The following U2AF1L4 variants were observed in gnomAD, a reference collection of about 807,000 sequenced individuals.
U2AF1L4 encodes splicing factor U2AF 26 kDa subunit.
In U2AF1L4, 21 loss-of-function variants were observed where a neutral mutation model predicts 21.7. The observed-to-expected ratio is 0.97, with a 90% CI of 0.69 to 1.39. U2AF1L4 has a LOEUF of 1.39. Ranked by LOEUF, U2AF1L4 falls within the 40% of genes most tolerant of loss-of-function variation. The pLI is 0.00. For missense variants in U2AF1L4, 259 were observed against 245.7 expected (o/e 1.05, Z -0.36); for synonymous variants, 92 against 89.7 (o/e 1.03, Z -0.15).
At position 35,744,969 on chromosome 19, in the gene U2AF1L4, C is replaced by A. The variant is rs553710402; in HGVS notation, c.132+156G>T. ...GTTCCCGGGAAAACGGCACGAAGAC[C>A]GGTGGGAGGAGCCTGCAGAAAGGTC... On this transcript the variant is annotated intron_variant, in intron 2 of 5. Transcript: ENST00000378975. The A allele has an allele frequency of 7.0e-5, 55 of 784,556 alleles. 1 individual carries two copies. The highest frequency in any genetic ancestry group is 9.6e-5 in the Non-Finnish European group (48 of 502,180). 48.6% of individuals were successfully genotyped at this position (784,556 alleles called of 1,614,324 possible). A position where few individuals can be genotyped will look rare whatever the true frequency, so the allele number is the denominator to read the frequency against.
chr19:35,745,038 C>T, intron 2 of U2AF1L4, 87 bp downstream of exon 2: 2 of 1,360,290 alleles, frequency 1.5e-6, no homozygotes, highest in Non-Finnish European at 1.0e-6. Flanking sequence ...CTCAGGAACC[C>T]GGAATAGGCG....
chr19:35,743,941 C>A, intron 4 of U2AF1L4, 37 bp from the exon 5 acceptor site: 1 of 1,609,202 alleles, frequency 6.2e-7, no homozygotes, highest in Non-Finnish European at 8.5e-7. Context: ...AAGCCATTGT[C>A]ACTGACAGCC....
chr19:35,745,092 C>A (rs746299510), intron 2 of U2AF1L4, 33 bp downstream of exon 2: 7 of 1,602,236 alleles, frequency 4.4e-6, no homozygotes, highest in Non-Finnish European at 6.0e-6. Context: ...GCCAGGGAGC[C>A]GTTAACCCCC....
At chr19:35,743,141 G>A (rs924799163) in intron 5 of U2AF1L4, 2 of 350,504 alleles carry the variant, frequency 5.7e-6, no homozygotes, top group African/African-American at 2.2e-5. Context: ...GGGAGGCCGA[G>A]ATGGGTGGAT....
rs760997332 is a variant in U2AF1L4 at position 35,744,439 on chromosome 19, G to C, written c.133-18C>G. 2.6e-5 allele frequency: 42 copies of C among 1,613,724 alleles called. No homozygotes were observed. Among genetic ancestry groups the C allele is most frequent in the Middle Eastern group, 1.6e-4 (1 of 6,084 alleles). The stretch of plus-strand genomic sequence containing the variant: ...AACACCTCCTGTGGAAGACGGGGAG[G>C]AACTCAGCTGAGCTCCCACAAGAAA... On this transcript the variant is annotated intron_variant, in intron 2 of 5. Transcript: ENST00000378975.
chr19:35,742,602 A>G lies in U2AF1L4; in HGVS notation c.*117T>C. On this transcript the variant is annotated 3_prime_UTR_variant, in exon 6 of 6. Coordinates refer to ENST00000378975, the MANE Select transcript of U2AF1L4 (RefSeq NM_001040425.3). ...AAGGTCTCCATGCTGAACAGATTAC[A>G]TTATGGAGCCCGGGAGCCTGGGAAG... 1 of 1,613,872 alleles carries G rather than the reference A, an allele frequency of 6.2e-7. No homozygotes were observed. Among genetic ancestry groups the G allele is most frequent in the Non-Finnish European group, 8.5e-7 (1 of 1,179,988 alleles).
chr19:35,744,386 C>A lies in U2AF1L4; in HGVS notation c.168G>T (p.Glu56Asp), dbSNP rs773164692. The change falls in exon 3 of 6, where the codon GAG becomes GAT. Residue 56 changes from glutamate (E) to aspartate (D), a missense_variant. Glu to Asp is a conservative substitution (Grantham distance 45, BLOSUM62 2). Transcript: ENST00000378975. Reference protein sequence around the residue: ...VFTELQEKYGEIEEMNVCDNL... With the variant: ...VFTELQEKYGDIEEMNVCDNL... The stretch of plus-strand genomic sequence containing the variant: ...TGTCGCACACATTCATCTCTTCAAT[C>A]TCCCCATACTTCTCCTGCAGTTCTG... 6.2e-7 allele frequency: 1 copy of A among 1,614,202 alleles called. No homozygotes were observed. The highest frequency in any genetic ancestry group is 1.1e-5 in the South Asian group (1 of 91,090).
intron 2 of U2AF1L4, 111 bp downstream of exon 2, chr19:35,745,014 G>A (rs1419127937): frequency 1.6e-5 from 17 of 1,068,998 alleles, no homozygotes; most frequent in Admixed American, 2.5e-5. Flanking sequence ...AAAAAGCCGG[G>A]CGGTGGGGAG....
Position 35,743,738 on chromosome 19 carries a change from AG to A in U2AF1L4, c.461+70del, listed in dbSNP as rs568221884. ...CTTGGGAACGTGGTTACTGGGGCTT[AG>A]GGTTAGGCTCATCTGAGGATATAGG... On this transcript the variant is annotated intron_variant, in intron 5 of 5. Coordinates refer to ENST00000378975, the MANE Select transcript of U2AF1L4 (RefSeq NM_001040425.3). The A allele has an allele frequency of 2.7e-5, 25 of 931,576 alleles. No individual in the cohort carries two copies. The East Asian group carries it at 8.1e-4, about 30-fold the overall frequency. The allele number at this position is 931,576 out of a possible 1,614,324, so 57.7% of individuals were successfully genotyped here. A position where few individuals can be genotyped will look rare whatever the true frequency, so the allele number is the denominator to read the frequency against.
rs752097505 is a variant in U2AF1L4 at position 35,744,330 on chromosome 19, T to C, written c.224A>G (p.Tyr75Cys). 23 of 1,613,986 alleles carry C rather than the reference T, an allele frequency of 1.4e-5. No individual in the cohort carries two copies. The highest frequency in any genetic ancestry group is 1.7e-5 in the Non-Finnish European group (20 of 1,180,020). ...GTGGGGGGCAGCAAGCACCTTGACATAGACGTTGCCCACGAGGTGGTCCCC... is the reference window on the plus strand; with the variant it reads ...GTGGGGGGCAGCAAGCACCTTGACACAGACGTTGCCCACGAGGTGGTCCCC... ...NLGDHLVGNV[Y>C]VKFRREEDGE... is the part of the protein sequence containing the mutation. The change falls in exon 3 of 6, where the codon TAT (tyrosine) becomes TGT (cysteine). Residue 75 changes from tyrosine to cysteine, a missense_variant. Coordinates refer to ENST00000378975, the MANE Select transcript of U2AF1L4 (RefSeq NM_001040425.3).
chr19:35,744,946 TC>T, intron 2 of U2AF1L4, 178 bp downstream of exon 2: 1 of 744,618 alleles, frequency 1.3e-6, no homozygotes, highest in Non-Finnish European at 2.1e-6. Flanking sequence ...GCGACCAAGT[TC>T]CCGGGAAAAC....
chr19:35,743,500 C>G lies in U2AF1L4; in HGVS notation c.461+309G>C, dbSNP rs957393081. The G allele has an allele frequency of 1.3e-5, 5 of 380,978 alleles. No individual in the cohort carries two copies. In the Admixed American group the frequency reaches 1.9e-4, roughly 15 times the overall value. The allele number at this position is 380,978 out of a possible 1,614,324, so 23.6% of individuals were successfully genotyped here. ...GGTTAGGAGTTCAGACCAGCCTGGC[C>G]AAGATGGTGAAACCCCATCTCTACT... is the stretch of plus-strand genomic sequence containing the variant. On this transcript the variant is annotated intron_variant, in intron 5 of 5. Transcript: ENST00000378975.
Position 35,742,822 on chromosome 19 carries a change from A to G in U2AF1L4, c.462-19T>C, listed in dbSNP as rs752383922. ...GGGTGACCTGGGAATAGGAGCGTTG[A>G]GAGTTCTGTTAGAACCCTGAGGAGT... On this transcript the variant is annotated intron_variant, in intron 5 of 5. Coordinates refer to ENST00000378975, the MANE Select transcript of U2AF1L4 (RefSeq NM_001040425.3). The G allele has an allele frequency of 1.0e-5, 16 of 1,605,298 alleles. No homozygotes were observed. In the African/African-American group the frequency reaches 1.9e-4, roughly 19 times the overall value.
intron 5 of U2AF1L4, 114 bp downstream of exon 5, chr19:35,743,695 A>AAAG (rs1259018794): frequency 2.1e-6 from 2 of 934,072 alleles, no homozygotes; most frequent in African/African-American, 3.4e-5. Flanking sequence ...TCAAAAAAAA[A>AAAG]AAAAAAAAAA....
chr19:35,742,948 G>C, intron 5 of U2AF1L4, 145 bp from the exon 6 acceptor site: 2 of 771,896 alleles, frequency 2.6e-6, no homozygotes, highest in Non-Finnish European at 4.2e-6. Context: ...GCCAGTATCA[G>C]GGGAACTCAG....
At chr19:35,743,747 C>T in intron 5 of U2AF1L4, 62 bp downstream of exon 5, 3 of 1,365,246 alleles carry the variant, frequency 2.2e-6, no homozygotes, top group Non-Finnish European at 3.1e-6. Flanking sequence ...TAGGGTTAGG[C>T]TCATCTGAGG....
intron 5 of U2AF1L4, chr19:35,743,577 A>C: frequency 3.8e-6 from 2 of 531,878 alleles, no homozygotes; most frequent in Non-Finnish European, 3.4e-6. Context: ...AATCCCAGCT[A>C]TTTGGGAGGC....
intron 3 of U2AF1L4, 73 bp downstream of exon 3, chr19:35,744,248 TGA>T: frequency 6.2e-7 from 1 of 1,607,518 alleles, no homozygotes. Context: ...AAATTCAAGC[TGA>T]GAGCCTACAG....
At position 35,745,396 on chromosome 19, in the gene U2AF1L4, A is replaced by G. The variant is rs1003974626; in HGVS notation, c.-5T>C. On this transcript the variant is annotated 5_prime_UTR_variant, in exon 1 of 6. Coordinates refer to ENST00000378975, the MANE Select transcript of U2AF1L4 (RefSeq NM_001040425.3). ...CGAAGCTAAATATTCAGCCATTTTT[A>G]CCCAAGCCCTCCAGGTCTGGCTGCT... 7.4e-6 allele frequency: 12 copies of G among 1,612,812 alleles called. No individual in the cohort carries two copies. Among genetic ancestry groups the G allele is most frequent in the Non-Finnish European group, 1.0e-5 (12 of 1,179,754 alleles).
Sources: allele counts gnomAD v4.1 joint callset, GRCh38; gene constraint gnomAD v4.1.1; transcripts MANE v1.5; gene names NCBI Gene and HGNC (gene_info 2026-07-23, HGNC 2026-07-21).